CUL3: variants seen among roughly 807,000 people sequenced by gnomAD.
The protein encoded by CUL3 is cullin 3, also known as cullin-3.
CUL3 carries 19 observed loss-of-function variants against 89.1 expected under a neutral mutation model. The observed-to-expected ratio is 0.21, with a 90% CI of 0.15 to 0.31. The LOEUF is 0.31. Ranked by LOEUF, CUL3 falls within the 10% of genes least tolerant of loss-of-function variation. The probability of loss-of-function intolerance (pLI) is 1.00; values close to 1 mark genes in which losing one functional copy is unlikely to be tolerated. For missense variants in CUL3, 469 were observed against 942.3 expected, an observed-to-expected ratio of 0.50 and a Z score of 6.58; for synonymous variants, 351 against 308.4, an observed-to-expected ratio of 1.14 and a Z score of -1.45.
At position 224,506,562 on chromosome 2, in the gene CUL3, C is replaced by T. The variant is rs112787830; in HGVS notation, c.1029+296G>A. Reference sequence around the variant, plus strand: ...TAAACCAGTTGTTTTTTCCAATATACTACAGTATACAAACACTAAGGCATA... The same window carrying T: ...TAAACCAGTTGTTTTTTCCAATATATTACAGTATACAAACACTAAGGCATA... On this transcript the variant is annotated intron_variant, in intron 7 of 15. Coordinates refer to ENST00000264414, the MANE Select transcript of CUL3 (RefSeq NM_003590.5). Among the ~76,000 whole-genome samples, 9 of 152,224 alleles carry T rather than the reference C, an allele frequency of 5.9e-5. 2 individuals carry two copies. The highest frequency in any genetic ancestry group is 2.2e-4 in the African/African-American group (9 of 41,526).
At chr2:224,514,503 G>T in intron 4 of CUL3, 109 bp downstream of exon 4, 1 of 911,092 alleles carries the variant, frequency 1.1e-6, no homozygotes, top group Non-Finnish European at 1.6e-6. Flanking sequence ...TTTTCCCAAT[G>T]TGCTCAACAT....
intron 11 of CUL3, among the ~76,000 whole-genome samples, chr2:224,498,842 T>C (rs774579786): frequency 2.5e-4 from 38 of 152,200 alleles, no homozygotes; most frequent in Non-Finnish European, 2.8e-4. Flanking sequence ...AAATCTAGTT[T>C]TTATTTTTTT....
At position 224,474,258 on chromosome 2, in the gene CUL3, G is replaced by A; in HGVS notation, c.2294C>T (p.Thr765Ile). 6.2e-7 allele frequency: 1 copy of A among 1,613,922 alleles called. No homozygotes were observed. Residue 765 changes from threonine to isoleucine, a missense_variant, in exon 16 of 16, where the codon ACA (threonine) becomes ATA (isoleucine). Transcript: ENST00000264414. ...ARTPEDRKVY[T>I]YVA ...TCTGAACGCATTTTATGCTACATAT[G>A]TGTATACTTTGCGATCCTCAGGTGT...
intron 2 of CUL3, among the ~76,000 whole-genome samples, chr2:224,542,519 G>A (rs1012339550): frequency 6.9e-6 from 1 of 145,378 alleles, no homozygotes. Flanking sequence ...GTGTGTATGT[G>A]TGTGTGTGTG....
intron 14 of CUL3, chr2:224,478,840 A>G (rs574879681): frequency 2.6e-5 from 4 of 152,484 alleles, no homozygotes; most frequent in African/African-American, 9.6e-5. Flanking sequence ...AGTGAAATAA[A>G]TAATTTAAAA....
intron 13 of CUL3, among the ~76,000 whole-genome samples, chr2:224,489,316 GTC>G (rs1373649261): frequency 4.6e-5 from 7 of 152,276 alleles, no homozygotes; most frequent in Admixed American, 2.0e-4. Flanking sequence ...AAGTCAAATT[GTC>G]TCTGTTTGCA....
intron 1 of CUL3, among the ~76,000 whole-genome samples, chr2:224,558,637 A>C (rs1333371535): frequency 6.6e-6 from 1 of 152,126 alleles, no homozygotes; most frequent in African/African-American, 2.4e-5. Context: ...TTCGGGCCCT[A>C]CTCCAGACCT....
At chr2:224,565,441 C>T (rs988165593) in intron 1 of CUL3, among the ~76,000 whole-genome samples, 1 of 152,084 alleles carries the variant, frequency 6.6e-6, no homozygotes, top group African/African-American at 2.4e-5. Context: ...GAGAGGGAGC[C>T]ATACTCTGTA....
chr2:224,578,755 T>C (rs1559245938), intron 1 of CUL3, among the ~76,000 whole-genome samples: 2 of 152,236 alleles, frequency 1.3e-5, no homozygotes. Context: ...ACAAATTGTC[T>C]AGTAACTTTT....
At chr2:224,568,942 T>C (rs1444071187) in intron 1 of CUL3, among the ~76,000 whole-genome samples, 1 of 152,204 alleles carries the variant, frequency 6.6e-6, no homozygotes, top group African/African-American at 2.4e-5. Context: ...TGCCCATCCC[T>C]GACACAGAAG....
intron 14 of CUL3, chr2:224,480,066 T>C (rs1691475953): frequency 6.6e-6 from 1 of 152,362 alleles, no homozygotes; most frequent in Non-Finnish European, 1.5e-5. Context: ...ATATGACCTA[T>C]ATGCACGCTG....
intron 3 of CUL3, among the ~76,000 whole-genome samples, chr2:224,517,261 G>GA (rs1693090450): frequency 6.6e-6 from 1 of 152,124 alleles, no homozygotes; most frequent in Admixed American, 6.5e-5. Flanking sequence ...GTAAAACAGG[G>GA]AAACTATTAA....
intron 15 of CUL3, among the ~76,000 whole-genome samples, chr2:224,477,505 C>T (rs527670223): frequency 3.9e-5 from 6 of 152,322 alleles, no homozygotes; most frequent in South Asian, 4.1e-4. Context: ...CAACTTCTAG[C>T]CCTCATGTCT....
intron 12 of CUL3, 150 bp downstream of exon 12, chr2:224,497,603 T>C (rs1692216658): frequency 1.7e-6 from 1 of 601,960 alleles, no homozygotes; most frequent in African/African-American, 1.9e-5. Context: ...ACAGAAGTAA[T>C]AAATCAAAGC....
Position 224,567,739 on chromosome 2 carries a change from C to CA in CUL3, c.67-9884dup, listed in dbSNP as rs11338737. On this transcript the variant is annotated intron_variant, in intron 1 of 15. Transcript: ENST00000264414. ...TGGGCAACAGAGTGAGACTCTGTCT[C>CA]AAAAAAAAAAAAACCTTTCACCTAG... Among the ~76,000 whole-genome samples the CA allele has an allele frequency of 0.014, 1,918 of 138,586 alleles. 94 individuals carry two copies. In the East Asian group the frequency reaches 0.2, roughly 14 times the overall value. 90.9% of individuals were successfully genotyped at this position (138,586 alleles called of 152,430 possible).
intron 1 of CUL3, among the ~76,000 whole-genome samples, chr2:224,573,604 A>AG (rs1159938644): frequency 1.3e-5 from 2 of 152,190 alleles, no homozygotes; most frequent in African/African-American, 4.8e-5. Context: ...TAAAGAGAGT[A>AG]GTGCATTGTA....
chr2:224,570,515 A>G (rs1267705973), intron 1 of CUL3, among the ~76,000 whole-genome samples: 1 of 152,226 alleles, frequency 6.6e-6, no homozygotes, highest in Non-Finnish European at 1.5e-5. Context: ...TAGAAGAGAC[A>G]TATAGCCTTG....
At chr2:224,583,924 T>C (rs1467924002) in intron 1 of CUL3, among the ~76,000 whole-genome samples, 2 of 152,248 alleles carry the variant, frequency 1.3e-5, no homozygotes, top group East Asian at 1.9e-4. Context: ...GACCAAGATC[T>C]TTCTCTAATT....
intron 2 of CUL3, among the ~76,000 whole-genome samples, chr2:224,549,375 C>A (rs1694426057): frequency 6.6e-6 from 1 of 150,614 alleles, no homozygotes; most frequent in African/African-American, 2.4e-5. Context: ...ACACATGGCA[C>A]AGGAATAAAC....
Sources: allele counts gnomAD v4.1 joint callset (sites outside exome capture counted in the v4.1 genomes callset), GRCh38; gene constraint gnomAD v4.1.1; transcripts MANE v1.5; gene names NCBI Gene and HGNC (gene_info 2026-07-23, HGNC 2026-07-21).